The following COL16A1 variants were observed in gnomAD, a reference collection of about 807,000 sequenced individuals.
COL16A1 encodes collagen alpha-1(XVI) chain.
A neutral mutation model predicts 266.3 loss-of-function variants in COL16A1; 189 were observed. That is an observed-to-expected ratio of 0.71 (90% CI 0.63 to 0.80). The LOEUF is 0.80. Ranked by LOEUF, COL16A1 falls within the 30% of genes least tolerant of loss-of-function variation. COL16A1 has a pLI of 0.00. For synonymous variants in COL16A1, 740 were observed against 782.3 expected (o/e 0.95, Z 0.90); for missense variants, 1,928 against 2,122.4 (o/e 0.91, Z 1.80).
At position 31,698,542 on chromosome 1, in the gene COL16A1, G is replaced by A; in HGVS notation, c.331C>T (p.His111Tyr). ...AGATACCACGTCTTCTGGTGGGTGT[G>A]TTTCTTCAGCAGTAGTGTCAGCACC... ...ALVLTLLLKKHTHQKTWYLFQ... is the reference protein window; with the variant it reads ...ALVLTLLLKKYTHQKTWYLFQ... The change falls in exon 5 of 71, where the codon CAC (histidine) becomes TAC (tyrosine). Residue 111 changes from histidine to tyrosine, a missense_variant. Transcript: ENST00000373672. The surrounding 1 kb of genome is among the most constrained non-coding windows in gnomAD (Gnocchi z 4.1). 1 of 1,614,118 alleles carries A rather than the reference G, an allele frequency of 6.2e-7. No homozygotes were observed. The highest frequency in any genetic ancestry group is 8.5e-7 in the Non-Finnish European group (1 of 1,180,026).
chr1:31,683,982 C>G lies in COL16A1; in HGVS notation c.2305G>C (p.Val769Leu). 1 of 1,614,216 alleles carries G rather than the reference C, an allele frequency of 6.2e-7. No homozygotes were observed. Among genetic ancestry groups the G allele is most frequent in the Non-Finnish European group, 8.5e-7 (1 of 1,180,024 alleles). ...GKPGQPGLPG[V>L]QGPPGLKGVQ... Reference sequence around the variant, plus strand: ...CCCTTCAGTCCTGGGGGCCCTTGAACTCCTGGTAGACCGGGTTGGCCCTAA... The same window carrying G: ...CCCTTCAGTCCTGGGGGCCCTTGAAGTCCTGGTAGACCGGGTTGGCCCTAA... Residue 769 changes from valine to leucine, a missense_variant, in exon 33 of 71, where the codon GTT becomes CTT. Coordinates refer to ENST00000373672, the MANE Select transcript of COL16A1 (RefSeq NM_001856.4).
Position 31,679,653 on chromosome 1 carries a change from G to C in COL16A1, c.2751C>G (p.Pro917=), listed in dbSNP as rs746823278. 4.3e-6 allele frequency: 7 copies of C among 1,614,214 alleles called. No individual in the cohort carries two copies. The South Asian group carries it at 5.5e-5, about 13-fold the overall frequency. Residue 917 remains proline, a synonymous_variant, in exon 42 of 71, where the codon CCC becomes CCG. Coordinates refer to ENST00000373672, the MANE Select transcript of COL16A1 (RefSeq NM_001856.4). The part of the protein sequence containing the change: ...GPPGIPGPPG[P]PGVPGLQGVP... ...TTACCTGCAGCCCAGGTACTCCAGG[G>C]GGGCCTGGTGGTCCGGGAATACCTG...
chr1:31,667,772 GCCGTGCCTCCCATCTGCCA>G, intron 51 of COL16A1, 144 bp from the exon 52 acceptor site: 1 of 824,472 alleles, frequency 1.2e-6, no homozygotes, highest in Non-Finnish European at 2.0e-6. Context: ...CTCCAAAGCT[GCCGTGCCTCCCATCTGCCA>G]CCGTGCCCCC....
intron 2 of COL16A1, among the ~76,000 whole-genome samples, chr1:31,700,928 T>G (rs556019622): frequency 2.6e-5 from 4 of 152,116 alleles, no homozygotes; most frequent in Non-Finnish European, 4.4e-5. Context: ...AAAGAACAGG[T>G]GGGCAGCCAT....
chr1:31,695,070 T>C (rs1383664966), intron 11 of COL16A1, 116 bp downstream of exon 11: 31 of 1,011,410 alleles, frequency 3.1e-5, no homozygotes, highest in Non-Finnish European at 4.5e-5. Context: ...AGGGAGCGAG[T>C]GTGAAAGTGT....
chr1:31,684,449 T>C, intron 31 of COL16A1, 74 bp downstream of exon 31: 1 of 1,567,304 alleles, frequency 6.4e-7, no homozygotes, highest in Non-Finnish European at 8.7e-7. Flanking sequence ...CCTGCAGTCC[T>C]TCCCTCACTG....
At position 31,695,767 on chromosome 1, in the gene COL16A1, G is replaced by A. The variant is rs754901844; in HGVS notation, c.939C>T (p.Ala313=). Reference sequence around the variant, plus strand: ...AGTCCACTGGGAGGCTTACCTCATCGGCTGCTGTCTCCTGATGGACCTGAG... The same window carrying A: ...AGTCCACTGGGAGGCTTACCTCATCAGCTGCTGTCTCCTGATGGACCTGAG... The part of the protein sequence containing the change: ...RGAKVHQETA[A]DECPPCVHGA... Residue 313 remains alanine, a synonymous_variant, in exon 10 of 71, where the codon GCC becomes GCT. Coordinates refer to ENST00000373672, the MANE Select transcript of COL16A1 (RefSeq NM_001856.4). 1.5e-5 allele frequency: 24 copies of A among 1,613,490 alleles called. No individual in the cohort carries two copies. The South Asian group carries it at 2.0e-4, about 13-fold the overall frequency.
intron 20 of COL16A1, 123 bp from the exon 21 acceptor site, chr1:31,690,696 A>G: frequency 6.8e-7 from 1 of 1,460,524 alleles, no homozygotes; most frequent in Non-Finnish European, 9.1e-7. Context: ...TCTTGTTGCC[A>G]TTTGTTCCAT....
At chr1:31,655,072 A>G (rs1027319127) in intron 67 of COL16A1, among the ~76,000 whole-genome samples, 6 of 145,588 alleles carry the variant, frequency 4.1e-5, no homozygotes, top group African/African-American at 1.6e-4. Flanking sequence ...CAACCTCCGT[A>G]GATTCTCAAT....
intron 28 of COL16A1, 51 bp downstream of exon 28, chr1:31,686,040 T>C (rs191674987): frequency 8.7e-5 from 140 of 1,607,734 alleles, no homozygotes; most frequent in Admixed American, 6.6e-4. Flanking sequence ...GACGAGTGTC[T>C]ATCTAGGAAG....
intron 30 of COL16A1, 38 bp downstream of exon 30, chr1:31,684,783 T>C (rs1244452351): frequency 6.2e-7 from 1 of 1,613,976 alleles, no homozygotes; most frequent in South Asian, 1.1e-5. Context: ...TCTGAGATGA[T>C]GCCATGCCCA....
Position 31,672,419 on chromosome 1 carries a change from T to C in COL16A1, c.3102A>G (p.Glu1034=). Residue 1034 remains glutamate (E), a synonymous_variant, in exon 47 of 71, where the codon GAA becomes GAG. Coordinates refer to ENST00000373672, the MANE Select transcript of COL16A1 (RefSeq NM_001856.4). The stretch of plus-strand genomic sequence containing the variant: ...GAATCCCCATCCCTGGTCTTACCTC[T>C]TCTCCTCTCTGGCCTGGCAATCCCG... The part of the protein sequence containing the change: ...GPPGLPGQRG[E]EGPPGMRGSP... 1 of 1,614,142 alleles carries C rather than the reference T, an allele frequency of 6.2e-7. No individual in the cohort carries two copies. Among genetic ancestry groups the C allele is most frequent in the Non-Finnish European group, 8.5e-7 (1 of 1,179,986 alleles).
intron 11 of COL16A1, 31 bp downstream of exon 11, chr1:31,695,155 G>C: frequency 5.6e-6 from 9 of 1,612,222 alleles, no homozygotes; most frequent in Non-Finnish European, 7.6e-6. Context: ...GCTCTTGCCC[G>C]CTCCACCCTG....
In COL16A1 at chr1:31,657,333, G is replaced by C. The variant is rs897070631; in HGVS notation, c.4021-265C>G. The C allele has an allele frequency of 3.6e-6, 2 of 548,536 alleles. No individual in the cohort carries two copies. The highest frequency in any genetic ancestry group is 1.9e-5 in the African/African-American group (1 of 53,360). 34.0% of individuals were successfully genotyped at this position (548,536 alleles called of 1,614,324 possible). ...AAGAACAGACCGTGCCTGCCTTGCTGTGTGCTTGGATCCTGGCACCTTGCA... is the reference window on the plus strand; with the variant it reads ...AAGAACAGACCGTGCCTGCCTTGCTCTGTGCTTGGATCCTGGCACCTTGCA... On this transcript the variant is annotated intron_variant, in intron 64 of 70. Coordinates refer to ENST00000373672, the MANE Select transcript of COL16A1 (RefSeq NM_001856.4). This position sits in a 1 kb window ranked among gnomAD's most constrained non-coding sequence, Gnocchi z 6.4.
In COL16A1 at chr1:31,678,475, C is replaced by T. The variant is rs532720579; in HGVS notation, c.2772+1157G>A. The stretch of plus-strand genomic sequence containing the variant: ...CAGTCTAGCATTGTCAATTCCTAGT[C>T]GGGCGGCCTTAGACAAGATACTCCA... On this transcript the variant is annotated intron_variant, in intron 42 of 70. Coordinates refer to ENST00000373672, the MANE Select transcript of COL16A1 (RefSeq NM_001856.4). Among the ~76,000 whole-genome samples, 5 of 152,308 alleles carry T rather than the reference C, an allele frequency of 3.3e-5. No individual in the cohort carries two copies. In the South Asian group the frequency reaches 1.0e-3, roughly 32 times the overall value.
intron 58 of COL16A1, 57 bp downstream of exon 58, chr1:31,662,277 G>A (rs1641736713): frequency 6.9e-6 from 11 of 1,583,460 alleles, no homozygotes; most frequent in Middle Eastern, 1.7e-4. Context: ...CTTGACTTTG[G>A]CTCCTCTGGC....
At position 31,672,638 on chromosome 1, in the gene COL16A1, C is replaced by A. The variant is rs1395364011; in HGVS notation, c.2977-1G>T. Reference sequence around the variant, plus strand: ...TTGGGCGCTCCAGTGACAAAAAGCACTGCAAGGGACAATGAGAGGCACATT... The same window carrying A: ...TTGGGCGCTCCAGTGACAAAAAGCAATGCAAGGGACAATGAGAGGCACATT... On this transcript the variant is annotated splice_acceptor_variant, in intron 45 of 70. Transcript: ENST00000373672. LOFTEE classifies it high-confidence loss of function. The A allele has an allele frequency of 6.2e-7, 1 of 1,605,140 alleles. No homozygotes were observed.
Position 31,685,801 on chromosome 1 carries a change from CCCCCAGG to C in COL16A1, c.1885-38_1885-32del. 2 of 1,610,122 alleles carry C rather than the reference CCCCCAGG, an allele frequency of 1.2e-6. No homozygotes were observed. The highest frequency in any genetic ancestry group is 8.5e-7 in the Non-Finnish European group (1 of 1,177,362). ...AAGCAAGGACATTGAGTTAGGGGGTCCCCCAGGCCCTAGTGCACTTGAGCGAGGTTTG... is the reference window on the plus strand; with the variant it reads ...AAGCAAGGACATTGAGTTAGGGGGTCCCCTAGTGCACTTGAGCGAGGTTTG... On this transcript the variant is annotated intron_variant, in intron 28 of 70. Coordinates refer to ENST00000373672, the MANE Select transcript of COL16A1 (RefSeq NM_001856.4). The surrounding 1 kb of genome is among the most constrained non-coding windows in gnomAD (Gnocchi z 4.0).
At position 31,665,573 on chromosome 1, in the gene COL16A1, C is replaced by G; in HGVS notation, c.3492+10G>C. 3 of 1,614,208 alleles carry G rather than the reference C, an allele frequency of 1.9e-6. No individual in the cohort carries two copies. Among genetic ancestry groups the G allele is most frequent in the Non-Finnish European group, 2.5e-6 (3 of 1,180,024 alleles). ...TCAGACAGAGCTGGCTTTGTGTCTT[C>G]TTCACTCACCGGTGGGCCCGGAAAG... On this transcript the variant is annotated intron_variant, in intron 55 of 70. Transcript: ENST00000373672.
Sources: allele counts gnomAD v4.1 joint callset (sites outside exome capture counted in the v4.1 genomes callset), GRCh38; gene constraint gnomAD v4.1.1; non-coding constraint Gnocchi (gnomAD v3.1); transcripts MANE v1.5; gene names NCBI Gene and HGNC (gene_info 2026-07-23, HGNC 2026-07-21).